Variants in TXNRD3 observed in about 807,000 individuals in gnomAD.
TXNRD3 encodes the protein thioredoxin reductase 3, also known as TXNRD3 neighbor gene protein.
In TXNRD3, 68 loss-of-function variants were observed where a neutral mutation model predicts 78.2. The observed-to-expected ratio is 0.87, with a 90% CI of 0.72 to 1.06. The LOEUF is 1.06. Ranked by LOEUF, TXNRD3 falls within the 50% of genes least tolerant of loss-of-function variation. The probability of loss-of-function intolerance (pLI) is 0.00; values close to 1 mark genes in which losing one functional copy is unlikely to be tolerated. For synonymous variants in TXNRD3, 296 were observed against 300.1 expected, an observed-to-expected ratio of 0.99 and a Z score of 0.14; for missense variants, 751 against 809.5, an observed-to-expected ratio of 0.93 and a Z score of 0.88.
intron 10 of TXNRD3, among the ~76,000 whole-genome samples, chr3:126,623,300 A>C (rs1022930972): frequency 2.0e-5 from 3 of 152,194 alleles, no homozygotes; most frequent in African/African-American, 4.8e-5. Flanking sequence ...ATGGTACAAA[A>C]ACTCTTTCAG....
rs1022358737 is a variant in TXNRD3, at chr3:126,638,357, C to T, written c.712+3675G>A. On this transcript the variant is annotated intron_variant, in intron 6 of 15. Transcript: ENST00000524230. ...TTTGCTGCTCAGATTCTGATGACTTCTCTTGGCCCTTTATTGAGTCTATAC... is the reference window on the plus strand; with the variant it reads ...TTTGCTGCTCAGATTCTGATGACTTTTCTTGGCCCTTTATTGAGTCTATAC... Among the ~76,000 whole-genome samples, 22 of 152,286 alleles carry T rather than the reference C, an allele frequency of 1.4e-4. No homozygotes were observed. The East Asian group carries it at 4.2e-3, about 29-fold the overall frequency.
At chr3:126,650,906 T>G (rs1933372376) in intron 1 of TXNRD3, among the ~76,000 whole-genome samples, 1 of 152,202 alleles carries the variant, frequency 6.6e-6, no homozygotes, top group South Asian at 2.1e-4. Flanking sequence ...CCCACAACTC[T>G]TGTTTTTCTT....
At chr3:126,625,495 T>C (rs1938558581) in intron 10 of TXNRD3, among the ~76,000 whole-genome samples, 1 of 152,026 alleles carries the variant, frequency 6.6e-6, no homozygotes, top group African/African-American at 2.4e-5. Context: ...TCATCATTTT[T>C]ATGGCTGCAT....
At chr3:126,636,264 G>A (rs1938859368) in intron 6 of TXNRD3, among the ~76,000 whole-genome samples, 1 of 152,016 alleles carries the variant, frequency 6.6e-6, no homozygotes, top group South Asian at 2.1e-4. Context: ...TTCTATGTAT[G>A]TTGTATATAA....
Position 126,617,218 on chromosome 3 carries a change from C to G in TXNRD3, c.1525-1756G>C, listed in dbSNP as rs1576282024. Among the ~76,000 whole-genome samples, 3 of 152,186 alleles carry G rather than the reference C, an allele frequency of 2.0e-5. No individual in the cohort carries two copies. The South Asian group carries it at 6.2e-4, about 32-fold the overall frequency. On this transcript the variant is annotated intron_variant, in intron 12 of 15. Transcript: ENST00000524230. ...TGCTATCCTTCTTATAGGCTTCTTT[C>G]CGTCTTGAGCCTTTCATCTCTTTCT...
At chr3:126,635,025 GT>G (rs1466641305) in intron 6 of TXNRD3, among the ~76,000 whole-genome samples, 1 of 152,054 alleles carries the variant, frequency 6.6e-6, no homozygotes, top group African/African-American at 2.4e-5. Context: ...CAGAATAGTC[GT>G]TCTTCTTACT....
chr3:126,624,063 G>A (rs1463402262), intron 10 of TXNRD3, among the ~76,000 whole-genome samples: 1 of 151,942 alleles, frequency 6.6e-6, no homozygotes, highest in African/African-American at 2.4e-5. Flanking sequence ...AAGACCTCTA[G>A]AGCCCAATGA....
At chr3:126,634,760 A>T (rs1938812441) in intron 6 of TXNRD3, among the ~76,000 whole-genome samples, 1 of 152,190 alleles carries the variant, frequency 6.6e-6, no homozygotes, top group Non-Finnish European at 1.5e-5. Flanking sequence ...CAGCCCAGCC[A>T]GGGCTTTCAT....
Position 126,647,248 on chromosome 3 carries a change from G to A in TXNRD3, c.292C>T (p.Leu98Phe). Residue 98 changes from leucine to phenylalanine, a missense_variant, in exon 2 of 16, where the codon CTT becomes TTT. Physicochemically the swap from Leu to Phe is conservative, Grantham distance 22. Coordinates refer to ENST00000524230, the MANE Select transcript of TXNRD3 (RefSeq NM_052883.3). ...CTGGTCTACTTACCAACTTGATCAA[G>A]TTCCAAGACATTACATTCGACTCCC... The A allele has an allele frequency of 3.9e-6, 6 of 1,535,402 alleles. No individual in the cohort carries two copies. Among genetic ancestry groups the A allele is most frequent in the Non-Finnish European group, 5.2e-6 (6 of 1,146,706 alleles).
chr3:126,617,714 A>C (rs1485737784), intron 12 of TXNRD3, among the ~76,000 whole-genome samples: 1 of 152,258 alleles, frequency 6.6e-6, no homozygotes, highest in Middle Eastern at 3.2e-3. Context: ...ACAGTACTAG[A>C]AGTCCTAGCC....
intron 1 of TXNRD3, among the ~76,000 whole-genome samples, chr3:126,654,045 T>C (rs1219520431): frequency 6.6e-6 from 1 of 151,794 alleles, no homozygotes; most frequent in African/African-American, 2.4e-5. Flanking sequence ...AAAAGGAAAT[T>C]TTGCATAGTG....
In TXNRD3 at chr3:126,642,065, A is replaced by C; in HGVS notation, c.679T>G (p.Ser227Ala). ...TTATATTCCCAGCCAAATTTCCTTG[A>C]GTCACATAATGCCTGCCCCAAAAGG... Residue 227 changes from serine to alanine, a missense_variant, in exon 6 of 16, where the codon TCA becomes GCA. Transcript: ENST00000524230. The C allele has an allele frequency of 1.3e-6, 2 of 1,536,006 alleles. No homozygotes were observed. Among genetic ancestry groups the C allele is most frequent in the African/African-American group, 2.7e-5 (2 of 73,150 alleles).
At chr3:126,609,294 C>A in intron 14 of TXNRD3, 1 of 228,356 alleles carries the variant, frequency 4.4e-6, no homozygotes, top group South Asian at 4.9e-5. Flanking sequence ...AAAAGGGCAA[C>A]GGAGGCCAGG....
Position 126,640,280 on chromosome 3 carries a change from AT to A in TXNRD3, c.712+1751del, listed in dbSNP as rs1417713280. Among the ~76,000 whole-genome samples, 193 of 40,442 alleles carry A rather than the reference AT, an allele frequency of 4.8e-3. 1 individual carries two copies. The highest frequency in any genetic ancestry group is 0.01 in the African/African-American group (186 of 18,000). The allele number at this position is 40,442 out of a possible 152,430, so 26.5% of individuals were successfully genotyped here. The stretch of plus-strand genomic sequence containing the variant: ...CCACTACGCCCGGCTAATTTTTTGT[AT>A]TTTTTTTAGTAGAGACGGGGTTTCA... On this transcript the variant is annotated intron_variant, in intron 6 of 15. Coordinates refer to ENST00000524230, the MANE Select transcript of TXNRD3 (RefSeq NM_052883.3).
chr3:126,631,028 G>T, intron 8 of TXNRD3, 91 bp from the exon 9 acceptor site: 1 of 1,233,380 alleles, frequency 8.1e-7, no homozygotes, highest in Non-Finnish European at 1.1e-6. Context: ...TGTGATGACT[G>T]AATTATAATT....
rs757979704 is a variant in TXNRD3, at chr3:126,630,902, T to C, written c.1007A>G (p.Lys336Arg). The C allele has an allele frequency of 1.5e-5, 23 of 1,535,952 alleles. No homozygotes were observed. The highest frequency in any genetic ancestry group is 2.0e-5 in the Admixed American group (1 of 50,962). ...ATAAGAGGCACCCACCACTAATGTT[T>C]TGCCAGGGCAATAAGGCAGAGAAAA... Residue 336 changes from lysine to arginine, a missense_variant, in exon 9 of 16, where the codon AAA (lysine) becomes AGA (arginine). By Grantham distance (26) the Lys-to-Arg change is conservative. Transcript: ENST00000524230.
At chr3:126,608,099 G>T in intron 15 of TXNRD3, 126 bp from the exon 16 acceptor site, 2 of 703,172 alleles carry the variant, frequency 2.8e-6, no homozygotes, top group South Asian at 2.7e-5. Flanking sequence ...GGTGGCTCAT[G>T]CCTGTAATCC....
Position 126,633,179 on chromosome 3 carries a change from G to A in TXNRD3, c.855+730C>T, listed in dbSNP as rs180932199. Among the ~76,000 whole-genome samples the A allele has an allele frequency of 3.7e-3, 568 of 151,908 alleles. 3 individuals are homozygous for A. Among genetic ancestry groups the A allele is most frequent in the Non-Finnish European group, 5.7e-3 (390 of 67,992 alleles). On this transcript the variant is annotated intron_variant, in intron 7 of 15. Transcript: ENST00000524230. ...CGTTAAACCTAGGAATTGAATATTT[G>A]GATATTTACTGTGTTATACTCCCAA...
At chr3:126,641,137 T>C (rs994738518) in intron 6 of TXNRD3, among the ~76,000 whole-genome samples, 7 of 152,224 alleles carry the variant, frequency 4.6e-5, no homozygotes, top group African/African-American at 1.7e-4. Flanking sequence ...CTCCTCATTT[T>C]TGCGTAGGAA....
Sources: gnomAD v4.1 joint callset for allele counts (sites outside exome capture counted in the v4.1 genomes callset) on GRCh38, gnomAD v4.1.1 for gene constraint, MANE v1.5 for transcripts, NCBI Gene and HGNC (gene_info 2026-07-23, HGNC 2026-07-21) for gene names.